FAM228B: variants seen among roughly 807,000 people sequenced by gnomAD.
The protein encoded by FAM228B is family with sequence similarity 228 member B.
FAM228B carries 38 observed loss-of-function variants against 42.6 expected under a neutral mutation model. The ratio of observed to expected loss-of-function variants is 0.89; its 90% CI spans 0.69 to 1.17. The LOEUF (loss-of-function observed/expected upper bound fraction) is 1.17. Among genes scored for constraint, FAM228B ranks in the 50% most tolerant of loss-of-function variants. The probability of loss-of-function intolerance (pLI) is 0.00; values close to 1 mark genes in which losing one functional copy is unlikely to be tolerated. For synonymous variants in FAM228B, 109 were observed against 122.3 expected (o/e 0.89, Z 0.72); for missense variants, 344 against 367.3 (o/e 0.94, Z 0.52).
chr2:24,104,451 G>A (rs1269536915), intron 3 of FAM228B, among the ~76,000 whole-genome samples: 1 of 152,206 alleles, frequency 6.6e-6, no homozygotes, highest in Non-Finnish European at 1.5e-5. Context: ...ACCCACCCAT[G>A]CTGGGTAGGA....
intron 2 of FAM228B, among the ~76,000 whole-genome samples, chr2:24,126,972 T>C (rs1430461890): frequency 6.6e-6 from 1 of 152,200 alleles, no homozygotes; most frequent in Non-Finnish European, 1.5e-5. Flanking sequence ...TTTATTTTTT[T>C]TTAAATTCAG....
chr2:24,123,216 T>C (rs1397971228), upstream of FAM228B: 1 of 152,196 alleles, frequency 6.6e-6, no homozygotes, highest in African/African-American at 2.4e-5. Context: ...GTGAATTCCC[T>C]GGCACCGAGG....
rs35525139 is a variant in FAM228B, at chr2:24,159,989, A to AT, written c.687-1500dup. 9.4e-3 allele frequency among the ~76,000 whole-genome samples: 1,071 copies of AT among 113,884 alleles called. 14 individuals are homozygous for AT. The highest frequency in any genetic ancestry group is 0.026 in the African/African-American group (808 of 30,984). The allele number at this position is 113,884 out of a possible 152,430, so 74.7% of individuals were successfully genotyped here. ...CTGGGTATGGGTTTCTTTTCTTTTC[A>AT]TTTTTTTTTTTTTTTTTGAGACAGG... On this transcript the variant is annotated intron_variant, in intron 7 of 10. Coordinates refer to ENST00000615575, the MANE Select transcript of FAM228B (RefSeq NM_001145710.2).
upstream of FAM228B, chr2:24,119,552 G>A: frequency 6.4e-7 from 1 of 1,560,830 alleles, no homozygotes. Flanking sequence ...AGGGAATGAA[G>A]ACAGGAACTA....
At chr2:24,124,151 A>G in intron 1 of FAM228B, 179 bp from the exon 2 acceptor site, 1 of 445,204 alleles carries the variant, frequency 2.2e-6, no homozygotes, top group Non-Finnish European at 4.0e-6. Flanking sequence ...GCCTGCTTAT[A>G]AAGGAGGCTG....
intron 5 of FAM228B, among the ~76,000 whole-genome samples, chr2:24,143,557 A>G (rs1405797780): frequency 6.6e-6 from 1 of 152,226 alleles, no homozygotes; most frequent in Non-Finnish European, 1.5e-5. Flanking sequence ...AACTAAAACA[A>G]CAAATCTCAA....
chr2:24,097,702 C>T (rs968000639), intron 3 of FAM228B, among the ~76,000 whole-genome samples: 13 of 152,304 alleles, frequency 8.5e-5, no homozygotes, highest in African/African-American at 2.9e-4. Context: ...TAACACCCCA[C>T]TGTCAATATT....
chr2:24,143,746 TTAA>T (rs141848324), intron 5 of FAM228B, among the ~76,000 whole-genome samples: 2,036 of 152,256 alleles, frequency 0.013, 50 homozygotes, highest in African/African-American at 0.046. Flanking sequence ...TATTTTAAAA[TTAA>T]TAAGCAATTT....
At chr2:24,130,826 G>C (rs1666437844) in intron 2 of FAM228B, among the ~76,000 whole-genome samples, 1 of 151,978 alleles carries the variant, frequency 6.6e-6, no homozygotes, top group Admixed American at 6.6e-5. Context: ...GTCAATTTTG[G>C]CTTTTGTTGC....
At position 24,138,029 on chromosome 2, in the gene FAM228B, T is replaced by G. The variant is rs1168410467; in HGVS notation, c.289T>G (p.Cys97Gly). Residue 97 changes from cysteine to glycine, a missense_variant, in exon 4 of 11, where the codon TGC (cysteine) becomes GGC (glycine). Cys to Gly is a radical substitution (Grantham distance 159). Transcript: ENST00000615575. ...PLQKKIIEKV[C>G]SHKKIKKRRQ... Reference sequence around the variant, plus strand: ...TCAGAAGAAAATTATAGAAAAAGTTTGCTCACATAAGAAGATTAAAAAAAG... The same window carrying G: ...TCAGAAGAAAATTATAGAAAAAGTTGGCTCACATAAGAAGATTAAAAAAAG... 6.5e-7 allele frequency: 1 copy of G among 1,547,252 alleles called. No homozygotes were observed. Among genetic ancestry groups the G allele is most frequent in the Admixed American group, 2.0e-5 (1 of 49,842 alleles).
At position 24,077,776 on chromosome 2, in the gene FAM228B, A is replaced by G. The variant is rs1339461745; in HGVS notation, c.-290+807A>G. 2 of 1,607,468 alleles carry G rather than the reference A, an allele frequency of 1.2e-6. No individual in the cohort carries two copies. The highest frequency in any genetic ancestry group is 1.7e-6 in the Non-Finnish European group (2 of 1,175,836). On this transcript the variant is annotated intron_variant, in intron 1 of 10. Coordinates refer to the FAM228B transcript ENST00000613899. The surrounding 1 kb of genome is among the most constrained non-coding windows in gnomAD (Gnocchi z 5.5). ...ATTTGCTTGTACTAAGACAAGGGAA[A>G]GGAGATCATCAGCCTGGGGAGAGAG...
intron 3 of FAM228B, among the ~76,000 whole-genome samples, chr2:24,106,835 G>T (rs11884669): frequency 6.6e-6 from 1 of 151,838 alleles, no homozygotes; most frequent in Non-Finnish European, 1.5e-5. Context: ...ACACACTTAA[G>T]TAGACAGACT....
At chr2:24,122,351 C>T, upstream of FAM228B, 1 of 1,162,452 alleles carries the variant, frequency 8.6e-7, no homozygotes, top group Non-Finnish European at 1.3e-6. Context: ...GTCATGTCTG[C>T]TTCATTTTTT....
upstream of FAM228B, chr2:24,121,375 G>T: frequency 7.2e-7 from 1 of 1,396,540 alleles, no homozygotes; most frequent in South Asian, 1.3e-5. Context: ...CCCACTACCT[G>T]TTTTTTATGG....
At position 24,079,292 on chromosome 2, in the gene FAM228B, A is replaced by C. The variant is rs2150982997; in HGVS notation, c.-289-1584A>C. 1.1e-5 allele frequency: 8 copies of C among 741,586 alleles called. 1 individual carries two copies. In the South Asian group the frequency reaches 1.6e-4, roughly 15 times the overall value. The allele number at this position is 741,586 out of a possible 1,614,324, so 45.9% of individuals were successfully genotyped here. A position where few individuals can be genotyped will look rare whatever the true frequency, so the allele number is the denominator to read the frequency against. On this transcript the variant is annotated intron_variant, in intron 1 of 10. Coordinates refer to the FAM228B transcript ENST00000613899. The stretch of plus-strand genomic sequence containing the variant: ...TCAACCAATCTGAATCAGTTCTCTG[A>C]AATCGGGTTCCCTCTTTATCTTCAG...
At chr2:24,151,588 G>A (rs556568511) in intron 7 of FAM228B, among the ~76,000 whole-genome samples, 1 of 149,118 alleles carries the variant, frequency 6.7e-6, no homozygotes, top group Non-Finnish European at 1.5e-5. Flanking sequence ...CACTGCACCC[G>A]GCCTCATTAT....
intron 7 of FAM228B, among the ~76,000 whole-genome samples, chr2:24,149,753 G>C (rs1344114561): frequency 1.3e-5 from 2 of 152,112 alleles, no homozygotes; most frequent in African/African-American, 4.8e-5. Context: ...TTTGTAATAA[G>C]GCTTTTCTTC....
intron 3 of FAM228B, 121 bp downstream of exon 3, chr2:24,135,308 C>A: frequency 1.7e-6 from 1 of 595,308 alleles, no homozygotes; most frequent in Non-Finnish European, 2.8e-6. Context: ...AAAGAACACT[C>A]CCTTGCACCT....
chr2:24,119,670 C>T (rs370808524), upstream of FAM228B: 15 of 1,610,282 alleles, frequency 9.3e-6, no homozygotes, highest in Admixed American at 1.2e-4. Flanking sequence ...ACGACAACCA[C>T]ACCAGTGTTC....
Sources: gnomAD v4.1 joint callset for allele counts (sites outside exome capture counted in the v4.1 genomes callset) on GRCh38, gnomAD v4.1.1 for gene constraint, Gnocchi (gnomAD v3.1) non-coding constraint, MANE v1.5 for transcripts, NCBI Gene and HGNC (gene_info 2026-07-23, HGNC 2026-07-21) for gene names.